ADAMTSL1: variants seen among roughly 807,000 people sequenced by gnomAD.
The protein encoded by ADAMTSL1 is ADAMTS like 1.
ADAMTSL1 carries 126 observed loss-of-function variants against 201.8 expected under a neutral mutation model. The ratio of observed to expected loss-of-function variants is 0.62; its 90% CI spans 0.54 to 0.72. The LOEUF (loss-of-function observed/expected upper bound fraction) is 0.72. Ranked by LOEUF, ADAMTSL1 falls within the 30% of genes least tolerant of loss-of-function variation. ADAMTSL1 has a pLI of 0.00. For synonymous variants in ADAMTSL1, 1,121 were observed against 903.4 expected, an observed-to-expected ratio of 1.24 and a Z score of -4.32; for missense variants, 2,679 against 2,277.8, an observed-to-expected ratio of 1.18 and a Z score of -3.59.
intron 15 of ADAMTSL1, among the ~76,000 whole-genome samples, chr9:18,730,237 G>A (rs888708319): frequency 3.9e-5 from 6 of 152,128 alleles, no homozygotes; most frequent in African/African-American, 1.2e-4. Context: ...TGACCTTATA[G>A]TTAGAAATAT....
At position 18,305,136 on chromosome 9, in the gene ADAMTSL1, C is replaced by A. The variant is rs73428957; in HGVS notation, c.207+141155C>A. Among the ~76,000 whole-genome samples the A allele has an allele frequency of 9.1e-3, 1,390 of 152,282 alleles. 32 individuals are homozygous for A. The highest frequency in any genetic ancestry group is 0.032 in the African/African-American group (1,315 of 41,544). On this transcript the variant is annotated intron_variant, in intron 2 of 29. Coordinates refer to the ADAMTSL1 transcript ENST00000680146. ...ACTCCCTCTCCTAGACAAGGGAAGCCGTGAGGGACTGTGCCATGAGCAACA... is the reference window on the plus strand; with the variant it reads ...ACTCCCTCTCCTAGACAAGGGAAGCAGTGAGGGACTGTGCCATGAGCAACA...
At chr9:18,312,559 A>G (rs918768270) in intron 2 of ADAMTSL1, among the ~76,000 whole-genome samples, 2 of 152,202 alleles carry the variant, frequency 1.3e-5, no homozygotes, top group African/African-American at 4.8e-5. Context: ...AGGTAGCCAG[A>G]TGGATAACTG....
intron 2 of ADAMTSL1, among the ~76,000 whole-genome samples, chr9:18,293,573 G>A (rs997791262): frequency 5.9e-5 from 9 of 152,198 alleles, no homozygotes; most frequent in African/African-American, 1.9e-4. Context: ...GAAAAAAGAT[G>A]AACTTTCCTG....
At chr9:18,513,554 G>C (rs942486202) in intron 2 of ADAMTSL1, among the ~76,000 whole-genome samples, 1 of 152,158 alleles carries the variant, frequency 6.6e-6, no homozygotes, top group Admixed American at 6.5e-5. Context: ...TGTTATAGCT[G>C]AGAGATCATT....
At chr9:18,543,371 A>G (rs1006269697) in intron 3 of ADAMTSL1, among the ~76,000 whole-genome samples, 4 of 152,046 alleles carry the variant, frequency 2.6e-5, no homozygotes, top group African/African-American at 9.7e-5. Context: ...CTAAAATTAG[A>G]TAACAAAGGG....
At chr9:18,673,438 A>G (rs975045236) in intron 9 of ADAMTSL1, among the ~76,000 whole-genome samples, 2 of 152,242 alleles carry the variant, frequency 1.3e-5, no homozygotes, top group Non-Finnish European at 1.5e-5. Flanking sequence ...GAGTCACTTT[A>G]TGAGTCTTCA....
chr9:18,594,605 C>G (rs924442838), intron 4 of ADAMTSL1, among the ~76,000 whole-genome samples: 3 of 152,124 alleles, frequency 2.0e-5, no homozygotes, highest in Admixed American at 6.6e-5. Flanking sequence ...TGTTTATGCT[C>G]TCTCTTACAT....
At chr9:18,005,298 G>T (rs929247104) in intron 1 of ADAMTSL1, among the ~76,000 whole-genome samples, 1 of 152,076 alleles carries the variant, frequency 6.6e-6, no homozygotes, top group African/African-American at 2.4e-5. Context: ...CACTAGAGAA[G>T]TGTGCAGAAA....
intron 20 of ADAMTSL1, among the ~76,000 whole-genome samples, chr9:18,810,448 T>C (rs1038444493): frequency 6.6e-6 from 1 of 152,144 alleles, no homozygotes; most frequent in African/African-American, 2.4e-5. Flanking sequence ...TAAATAGATG[T>C]GGGAGAAAAC....
At chr9:17,930,968 G>A (rs1826758872) in intron 1 of ADAMTSL1, among the ~76,000 whole-genome samples, 1 of 152,158 alleles carries the variant, frequency 6.6e-6, no homozygotes, top group African/African-American at 2.4e-5. Flanking sequence ...AATAAAATGG[G>A]GCCTTTCAAC....
intron 1 of ADAMTSL1, among the ~76,000 whole-genome samples, chr9:17,933,508 T>G (rs1165417078): frequency 6.6e-6 from 1 of 152,182 alleles, no homozygotes; most frequent in African/African-American, 2.4e-5. Context: ...TCATTGGATC[T>G]TCATCTAGGC....
At chr9:17,916,362 C>A (rs1296035777) in intron 1 of ADAMTSL1, among the ~76,000 whole-genome samples, 1 of 152,166 alleles carries the variant, frequency 6.6e-6, no homozygotes. Context: ...GTTTCCTGGA[C>A]AATTGTGATT....
At chr9:18,538,139 A>G (rs1346397746) in intron 3 of ADAMTSL1, among the ~76,000 whole-genome samples, 2 of 152,158 alleles carry the variant, frequency 1.3e-5, no homozygotes, top group East Asian at 3.9e-4. Context: ...GGGAAGAAGC[A>G]GAAATTCCAG....
chr9:17,978,048 A>T (rs1195751761), intron 1 of ADAMTSL1, among the ~76,000 whole-genome samples: 1 of 152,032 alleles, frequency 6.6e-6, no homozygotes, highest in Non-Finnish European at 1.5e-5. Context: ...TAAAAAAATT[A>T]TATGTGAACT....
intron 2 of ADAMTSL1, among the ~76,000 whole-genome samples, chr9:18,525,103 T>C (rs1028934473): frequency 1.3e-5 from 2 of 149,656 alleles, no homozygotes; most frequent in Admixed American, 6.6e-5. Flanking sequence ...CTATTAATTA[T>C]TGCCTCAATT....
chr9:18,711,141 A>G (rs1028538969), intron 14 of ADAMTSL1, among the ~76,000 whole-genome samples: 1 of 152,252 alleles, frequency 6.6e-6, no homozygotes, highest in African/African-American at 2.4e-5. Flanking sequence ...GTTTGAAAAT[A>G]TACATTTCTT....
intron 1 of ADAMTSL1, among the ~76,000 whole-genome samples, chr9:18,011,696 A>T (rs1420336635): frequency 1.3e-5 from 2 of 152,060 alleles, no homozygotes; most frequent in African/African-American, 2.4e-5. Context: ...AGGAGTGTCA[A>T]ATATCATGGA....
intron 4 of ADAMTSL1, among the ~76,000 whole-genome samples, chr9:18,574,937 T>G (rs1322044738): frequency 6.6e-6 from 1 of 152,176 alleles, no homozygotes; most frequent in Non-Finnish European, 1.5e-5. Context: ...TATTTTCAGG[T>G]CCACTTTTTG....
chr9:18,051,894 G>T (rs377183816), intron 1 of ADAMTSL1, among the ~76,000 whole-genome samples: 1 of 152,192 alleles, frequency 6.6e-6, no homozygotes, highest in Non-Finnish European at 1.5e-5. Flanking sequence ...ACTTTGGTTT[G>T]TGCTCTGTTT....
Sources: gnomAD v4.1 joint callset for allele counts (sites outside exome capture counted in the v4.1 genomes callset) on GRCh38, gnomAD v4.1.1 for gene constraint, MANE v1.5 for transcripts, NCBI Gene and HGNC (gene_info 2026-07-23, HGNC 2026-07-21) for gene names.